Variants in FUNDC2 observed in about 807,000 individuals in gnomAD.
FUNDC2 encodes the protein FUN14 domain-containing protein 2.
A neutral mutation model predicts 15.6 loss-of-function variants in FUNDC2; 4 were observed. The ratio of observed to expected loss-of-function variants is 0.26; its 90% CI spans 0.13 to 0.59. FUNDC2 has a LOEUF of 0.59. Among genes scored for constraint, FUNDC2 ranks in the 20% least tolerant of loss-of-function variants. The pLI, the probability that FUNDC2 is intolerant of heterozygous loss-of-function variation, is 0.90. For missense variants in FUNDC2, 98 were observed against 149.7 expected (o/e 0.65, Z 1.80); for synonymous variants, 44 against 56.9 (o/e 0.77, Z 1.02).
intron 2 of FUNDC2, among the ~76,000 whole-genome samples, chrX:155,042,807 T>G (rs1313347835): frequency 8.9e-6 from 1 of 112,210 alleles, no homozygotes; most frequent in Non-Finnish European, 1.9e-5. Flanking sequence ...ACCATTTTCA[T>G]TTTTTTGTCT....
In FUNDC2 at chrX:155,033,467, G is replaced by T; in HGVS notation, c.198G>T (p.Trp66Cys). ...AATTTGCTAAGAAGCAGCCATGGTGGCGTAAGCTGTTCGGGCAGGAATCTG... is the reference window on the plus strand; with the variant it reads ...AATTTGCTAAGAAGCAGCCATGGTGTCGTAAGCTGTTCGGGCAGGAATCTG... ...LAEFAKKQPW[W>C]RKLFGQESGP... The change falls in exon 2 of 5, where the codon TGG becomes TGT. Residue 66 changes from tryptophan (W) to cysteine (C), a missense_variant. Trp to Cys is a radical substitution (Grantham distance 215). Coordinates refer to ENST00000369498, the MANE Select transcript of FUNDC2 (RefSeq NM_023934.4). 8.3e-7 allele frequency: 1 copy of T among 1,211,358 alleles called. No individual in the cohort carries two copies. Among genetic ancestry groups the T allele is most frequent in the Non-Finnish European group, 1.1e-6 (1 of 894,834 alleles).
rs1557288266 is a variant in FUNDC2, at chrX:155,026,929, C to A, written c.-10C>A. The A allele has an allele frequency of 8.4e-7, 1 of 1,183,848 alleles. No individual in the cohort carries two copies. Among genetic ancestry groups the A allele is most frequent in the Admixed American group, 2.3e-5 (1 of 43,644 alleles). On this transcript the variant is annotated 5_prime_UTR_variant, in exon 1 of 5. Coordinates refer to ENST00000369498, the MANE Select transcript of FUNDC2 (RefSeq NM_023934.4). ...CGCCCGGCCCTCCCTCTTCCGCTGC[C>A]GCCGTGGGAATGGAAACATCTGCCC... is the stretch of plus-strand genomic sequence containing the variant.
chrX:155,046,500 T>A lies in FUNDC2; in HGVS notation c.285-9T>A. On this transcript the variant is annotated splice_polypyrimidine_tract_variant and intron_variant, in intron 2 of 4. Transcript: ENST00000369498. Reference sequence around the variant, plus strand: ...CATCAATTTGTCTGATGTTGGTTTGTTTTTGTAGGTGCACAGGTTTCATAT... The same window carrying A: ...CATCAATTTGTCTGATGTTGGTTTGATTTTGTAGGTGCACAGGTTTCATAT... 8.3e-7 allele frequency: 1 copy of A among 1,205,576 alleles called. No individual in the cohort carries two copies.
Position 155,026,919 on chromosome X carries a change from C to T in FUNDC2, c.-20C>T. ...AGCCGCGGCGCGCCCGGCCCTCCCT[C>T]TTCCGCTGCCGCCGTGGGAATGGAA... On this transcript the variant is annotated 5_prime_UTR_variant, in exon 1 of 5. Transcript: ENST00000369498. 3.4e-6 allele frequency: 4 copies of T among 1,177,199 alleles called. No homozygotes were observed. Among genetic ancestry groups the T allele is most frequent in the Non-Finnish European group, 4.5e-6 (4 of 880,405 alleles).
intron 3 of FUNDC2, chrX:155,049,148 C>T (rs1467514634): frequency 1.8e-5 from 2 of 112,788 alleles, no homozygotes; most frequent in African/African-American, 6.5e-5. Context: ...GTTTATTCGG[C>T]TCCCTCTACT....
At chrX:155,028,188 A>G (rs932470978) in intron 1 of FUNDC2, among the ~76,000 whole-genome samples, 61 of 111,988 alleles carry the variant, frequency 5.4e-4, no homozygotes, top group African/African-American at 2.0e-3. Flanking sequence ...TTCAATTGTT[A>G]TCACAGTGAT....
rs2073916944 is a variant in FUNDC2 at position 155,058,607 on chromosome X, C to A, written c.*3935C>A. The A allele has an allele frequency of 2.7e-5, 3 of 110,177 alleles. No individual in the cohort carries two copies. The Admixed American group carries it at 2.9e-4, about 11-fold the overall frequency. 9.1% of individuals were successfully genotyped at this position (110,177 alleles called of 1,213,427 possible). A position where few individuals can be genotyped will look rare whatever the true frequency, so the allele number is the denominator to read the frequency against. ...ACTCCCTCTACCAAATTATCAGCTT[C>A]ATTTCTTTGTCATGAAATCTAGTAT... On this transcript the variant is annotated 3_prime_UTR_variant, in exon 5 of 5. Coordinates refer to ENST00000369498, the MANE Select transcript of FUNDC2 (RefSeq NM_023934.4).
Position 155,059,816 on chromosome X carries a change from G to A in FUNDC2, c.*5144G>A, listed in dbSNP as rs1277899640. ...CCTGGTGAGAGGTGATTGGATCGTG[G>A]GGGCCATCCCCTCTTGGTACTTCAC... On this transcript the variant is annotated 3_prime_UTR_variant, in exon 5 of 5. Transcript: ENST00000369498. 4.5e-5 allele frequency: 5 copies of A among 111,645 alleles called. No individual in the cohort carries two copies. The highest frequency in any genetic ancestry group is 1.6e-4 in the African/African-American group (5 of 30,643). 9.2% of individuals were successfully genotyped at this position (111,645 alleles called of 1,213,427 possible). A position where few individuals can be genotyped will look rare whatever the true frequency, so the allele number is the denominator to read the frequency against.
At chrX:155,051,532 T>C (rs782647350) in intron 3 of FUNDC2, 138 bp from the exon 4 acceptor site, 13 of 612,957 alleles carry the variant, frequency 2.1e-5, no homozygotes, top group Non-Finnish European at 2.8e-5. Flanking sequence ...GTCATCATGA[T>C]ACAAAGAATC....
intron 1 of FUNDC2, 45 bp from the exon 2 acceptor site, chrX:155,033,358 G>A (rs2073821671): frequency 1.0e-6 from 1 of 975,762 alleles, no homozygotes; most frequent in Non-Finnish European, 1.4e-6. Context: ...ATCTAGTTAG[G>A]TATAAAAGTA....
chrX:155,051,670 C>T lies in FUNDC2; in HGVS notation c.361C>T (p.Leu121Phe). The T allele has an allele frequency of 8.3e-7, 1 of 1,209,494 alleles. No individual in the cohort carries two copies. Among genetic ancestry groups the T allele is most frequent in the South Asian group, 1.8e-5 (1 of 56,769 alleles). ...GTTGTCATTATTGTTGATACTGTAG[C>T]TTGCAAACCATACTGGGTACATCAA... is the stretch of plus-strand genomic sequence containing the variant. ...AVGGGFFLLQLANHTGYIKVD... is the reference protein window; with the variant it reads ...AVGGGFFLLQFANHTGYIKVD... Residue 121 changes from leucine to phenylalanine, a missense_variant and splice_region_variant, in exon 4 of 5, where the codon CTT becomes TTT. Physicochemically the swap from Leu to Phe is conservative, Grantham distance 22 (BLOSUM62 0). Transcript: ENST00000369498.
At chrX:155,036,031 A>G (rs1220394759) in intron 2 of FUNDC2, among the ~76,000 whole-genome samples, 2 of 111,997 alleles carry the variant, frequency 1.8e-5, no homozygotes, top group African/African-American at 6.5e-5. Context: ...TTGGGTAAAT[A>G]TCTAGGAATA....
intron 2 of FUNDC2, among the ~76,000 whole-genome samples, chrX:155,042,857 A>T (rs976368069): frequency 8.1e-5 from 9 of 111,373 alleles, no homozygotes; most frequent in African/African-American, 3.0e-4. Context: ...TTGCTATTTC[A>T]TGAAGTTTAT....
rs2073894858 is a variant in FUNDC2 at position 155,056,133 on chromosome X, T to C, written c.*1461T>C. On this transcript the variant is annotated 3_prime_UTR_variant, in exon 5 of 5. Coordinates refer to ENST00000369498, the MANE Select transcript of FUNDC2 (RefSeq NM_023934.4). ...CTGCATATTTTGCTATAAGAACTTA[T>C]TTTTTTTCACTTTTTATTATGGACG... 1 of 111,219 alleles carries C rather than the reference T, an allele frequency of 9.0e-6. No homozygotes were observed. The highest frequency in any genetic ancestry group is 1.9e-5 in the Non-Finnish European group (1 of 52,945). The allele number at this position is 111,219 out of a possible 1,213,427, so 9.2% of individuals were successfully genotyped here.
At position 155,055,321 on chromosome X, in the gene FUNDC2, G is replaced by T; in HGVS notation, c.*649G>T. On this transcript the variant is annotated 3_prime_UTR_variant, in exon 5 of 5. Transcript: ENST00000369498. Reference sequence around the variant, plus strand: ...TATTTATTGTAAAACAAGTGATTTAGGTGGGAAAGGGAAGATTTTGGATTT... The same window carrying T: ...TATTTATTGTAAAACAAGTGATTTATGTGGGAAAGGGAAGATTTTGGATTT... 3.4e-6 allele frequency: 1 copy of T among 296,978 alleles called. No individual in the cohort carries two copies. The allele number at this position is 296,978 out of a possible 1,213,427, so 24.5% of individuals were successfully genotyped here. A position where few individuals can be genotyped will look rare whatever the true frequency, so the allele number is the denominator to read the frequency against.
intron 1 of FUNDC2, among the ~76,000 whole-genome samples, chrX:155,027,828 T>C (rs1482917518): frequency 8.9e-6 from 1 of 112,135 alleles, no homozygotes; most frequent in Non-Finnish European, 1.9e-5. Context: ...ACTATGGTGC[T>C]CTACTGTGCG....
At chrX:155,037,671 T>A (rs2073835290) in intron 2 of FUNDC2, among the ~76,000 whole-genome samples, 1 of 108,259 alleles carries the variant, frequency 9.2e-6, no homozygotes, top group South Asian at 4.0e-4. Flanking sequence ...TTTAGTAGAG[T>A]CAGGGTTTCA....
In FUNDC2 at chrX:155,026,891, A is replaced by T; in HGVS notation, c.-48A>T. On this transcript the variant is annotated 5_prime_UTR_variant, in exon 1 of 5. It adds an upstream start codon to the 5' untranslated region. Transcript: ENST00000369498. Reference sequence around the variant, plus strand: ...GATGTAGCCGCTTGCGGAGACTGCAAGCAGCCGCGGCGCGCCCGGCCCTCC... The same window carrying T: ...GATGTAGCCGCTTGCGGAGACTGCATGCAGCCGCGGCGCGCCCGGCCCTCC... The T allele has an allele frequency of 8.6e-7, 1 of 1,162,459 alleles. No individual in the cohort carries two copies. Among genetic ancestry groups the T allele is most frequent in the Non-Finnish European group, 1.1e-6 (1 of 872,704 alleles).
rs1202751549 is a variant in FUNDC2 at position 155,059,648 on chromosome X, A to G, written c.*4976A>G. On this transcript the variant is annotated 3_prime_UTR_variant, in exon 5 of 5. Transcript: ENST00000369498. ...AGAAGAGTTAAATTAATGTCTTCAA[A>G]TGGATTTGTTGACTTAAACTGACAC... The G allele has an allele frequency of 8.9e-6, 1 of 112,127 alleles. No homozygotes were observed. The highest frequency in any genetic ancestry group is 1.9e-5 in the Non-Finnish European group (1 of 53,192). The allele number at this position is 112,127 out of a possible 1,213,427, so 9.2% of individuals were successfully genotyped here.
Sources: allele counts gnomAD v4.1 joint callset (sites outside exome capture counted in the v4.1 genomes callset), GRCh38; gene constraint gnomAD v4.1.1; transcripts MANE v1.5; gene names NCBI Gene and HGNC (gene_info 2026-07-23, HGNC 2026-07-21).